SEMA4D: variants seen among roughly 807,000 people sequenced by gnomAD.
SEMA4D encodes the protein semaphorin-4D.
In SEMA4D, 22 loss-of-function variants were observed where a neutral mutation model predicts 74.8. The ratio of observed to expected loss-of-function variants is 0.29; its 90% CI spans 0.21 to 0.42. The LOEUF (loss-of-function observed/expected upper bound fraction) is 0.42, where lower values mean the gene tolerates loss of function less well. Among genes scored for constraint, SEMA4D ranks in the 10% least tolerant of loss-of-function variants. SEMA4D has a pLI of 1.00. For synonymous variants in SEMA4D, 445 were observed against 463.7 expected (o/e 0.96, Z 0.52); for missense variants, 937 against 1,118.4 (o/e 0.84, Z 2.31).
chr9:89,493,278 G>C (rs1261612170), intron 1 of SEMA4D, among the ~76,000 whole-genome samples: 1 of 152,226 alleles, frequency 6.6e-6, no homozygotes, highest in African/African-American at 2.4e-5. Flanking sequence ...CCAGATGGGG[G>C]AAAAGAATGT....
At chr9:89,447,395 A>C (rs1587960466) in intron 2 of SEMA4D, among the ~76,000 whole-genome samples, 1 of 150,886 alleles carries the variant, frequency 6.6e-6, no homozygotes, top group East Asian at 2.0e-4. Context: ...CACGCTCCTC[A>C]CCTCCCCAAA....
At chr9:89,383,572 G>A (rs1187403276) in intron 13 of SEMA4D, among the ~76,000 whole-genome samples, 3 of 152,170 alleles carry the variant, frequency 2.0e-5, no homozygotes, top group African/African-American at 7.2e-5. Context: ...TGCTGAGCCA[G>A]GAATGTGGTG....
At chr9:89,431,497 GATTCTCTTTTGTTTTTTGGA>G in intron 2 of SEMA4D, among the ~76,000 whole-genome samples, 1 of 152,270 alleles carries the variant, frequency 6.6e-6, no homozygotes, top group South Asian at 2.1e-4. Flanking sequence ...AGTTTCCCTA[GATTCTCTTTTGTTTTTTGGA>G]GACAGGGTCT....
intron 2 of SEMA4D, among the ~76,000 whole-genome samples, chr9:89,413,193 G>A (rs1844907905): frequency 1.3e-5 from 2 of 152,206 alleles, no homozygotes; most frequent in Admixed American, 1.3e-4. Flanking sequence ...GTTGTGAAAT[G>A]TCACTCTCAT....
intron 13 of SEMA4D, among the ~76,000 whole-genome samples, chr9:89,383,980 T>C (rs1056600049): frequency 3.3e-5 from 5 of 152,048 alleles, no homozygotes; most frequent in African/African-American, 1.2e-4. Context: ...CGAGGGCAGG[T>C]TGGAGTGACG....
intron 2 of SEMA4D, among the ~76,000 whole-genome samples, chr9:89,413,198 T>C (rs1431366333): frequency 6.6e-6 from 1 of 152,182 alleles, no homozygotes; most frequent in Non-Finnish European, 1.5e-5. Context: ...GAAATGTCAC[T>C]CTCATTACTT....
intron 2 of SEMA4D, chr9:89,450,676 AAAAAAAAAAAAG>A (rs1373631782): frequency 1.1e-6 from 1 of 935,026 alleles, no homozygotes. Context: ...AAAAAAAAAA[AAAAAAAAAAAAG>A]GCCTCCAAGA....
At chr9:89,376,738 C>A, downstream of SEMA4D, 2 of 1,456,570 alleles carry the variant, frequency 1.4e-6, no homozygotes, top group Non-Finnish European at 9.2e-7. Flanking sequence ...GGTAAAGGAA[C>A]ATGTGGAGGG....
intron 2 of SEMA4D, among the ~76,000 whole-genome samples, chr9:89,453,930 TC>T (rs1855282342): frequency 6.7e-6 from 1 of 149,700 alleles, no homozygotes; most frequent in South Asian, 2.1e-4. Flanking sequence ...CGATCTTGGC[TC>T]ACTGCAAGCT....
chr9:89,401,931 C>T (rs1336500584), intron 4 of SEMA4D, among the ~76,000 whole-genome samples: 1 of 152,074 alleles, frequency 6.6e-6, no homozygotes, highest in African/African-American at 2.4e-5. Context: ...TGGTCAAAGG[C>T]CACCGAGACT....
intron 1 of SEMA4D, among the ~76,000 whole-genome samples, chr9:89,459,630 G>A (rs2135645562): frequency 6.6e-6 from 1 of 152,264 alleles, no homozygotes; most frequent in Non-Finnish European, 1.5e-5. Flanking sequence ...AGCTGTCCCT[G>A]CTCAGCCCTG....
intron 2 of SEMA4D, among the ~76,000 whole-genome samples, chr9:89,434,148 G>A (rs1270914335): frequency 1.3e-5 from 2 of 152,156 alleles, no homozygotes; most frequent in East Asian, 1.9e-4. Flanking sequence ...CTCAGCCCCG[G>A]AGCAGCAGTA....
At chr9:89,447,151 C>T (rs575960052) in intron 2 of SEMA4D, among the ~76,000 whole-genome samples, 26 of 152,202 alleles carry the variant, frequency 1.7e-4, no homozygotes, top group Non-Finnish European at 3.7e-4. Context: ...TTTGTCTCTC[C>T]TTGTGACCCT....
intron 2 of SEMA4D, chr9:89,450,667 A>C (rs1158727963): frequency 8.1e-5 from 17 of 209,978 alleles, no homozygotes; most frequent in East Asian, 5.4e-4. Flanking sequence ...CAGGAAAAAA[A>C]AAAAAAAAAA....
chr9:89,449,464 A>G, intron 2 of SEMA4D: 2 of 678,830 alleles, frequency 2.9e-6, no homozygotes, highest in Non-Finnish European at 5.4e-6. Flanking sequence ...CCTCTCCTCG[A>G]GGATCGAGGG....
chr9:89,393,602 AC>A lies in SEMA4D; in HGVS notation c.467del (p.Cys156PhefsTer42), dbSNP rs766054729. On this transcript the variant is annotated frameshift_variant, in exon 7 of 16. Coordinates refer to ENST00000422704, the MANE Select transcript of SEMA4D (RefSeq NM_001371194.2). LOFTEE classifies it high-confidence loss of function. ...LGKNEDGKGR[C>X]PFDPAHSYTS... ...TGTAGCTGTGTGCTGGGTCAAAGGG[AC>A]ATCTTCCTTTGCCATCTTCATTTTT... is the stretch of plus-strand genomic sequence containing the variant. 1 of 1,614,220 alleles carries A rather than the reference AC, an allele frequency of 6.2e-7. No individual in the cohort carries two copies. Among genetic ancestry groups the A allele is most frequent in the South Asian group, 1.1e-5 (1 of 91,092 alleles).
At chr9:89,431,053 G>A (rs954748894) in intron 2 of SEMA4D, among the ~76,000 whole-genome samples, 5 of 152,354 alleles carry the variant, frequency 3.3e-5, no homozygotes, top group South Asian at 2.1e-4. Context: ...AGCATGCTAT[G>A]CCGGCAGTAC....
chr9:89,471,582 C>CA (rs1387197301), intron 1 of SEMA4D, among the ~76,000 whole-genome samples: 1 of 151,442 alleles, frequency 6.6e-6, no homozygotes. Context: ...AGGTGCATGC[C>CA]GGCTCAGATG....
At chr9:89,491,719 G>T (rs934353186) in intron 1 of SEMA4D, among the ~76,000 whole-genome samples, 2 of 152,146 alleles carry the variant, frequency 1.3e-5, no homozygotes, top group African/African-American at 4.8e-5. Context: ...TTCCTCCAGC[G>T]TTCAGTCCAT....
Sources: gnomAD v4.1 joint callset for allele counts (sites outside exome capture counted in the v4.1 genomes callset) on GRCh38, gnomAD v4.1.1 for gene constraint, MANE v1.5 for transcripts, NCBI Gene and HGNC (gene_info 2026-07-23, HGNC 2026-07-21) for gene names.